The following ABCA2 variants were observed in gnomAD, a reference collection of about 807,000 sequenced individuals.
ABCA2 encodes ATP binding cassette subfamily A member 2, also known as ATP-binding cassette sub-family A member 2.
A neutral mutation model predicts 262.8 loss-of-function variants in ABCA2; 84 were observed. That is an observed-to-expected ratio of 0.32 (90% CI 0.27 to 0.38). The LOEUF is 0.38. Ranked by LOEUF, ABCA2 falls within the 10% of genes least tolerant of loss-of-function variation. The pLI, the probability that ABCA2 is intolerant of heterozygous loss-of-function variation, is 1.00. For missense variants in ABCA2, 2,662 were observed against 3,405.9 expected, an observed-to-expected ratio of 0.78 and a Z score of 5.44; for synonymous variants, 1,696 against 1,502.9, an observed-to-expected ratio of 1.13 and a Z score of -2.97.
Position 137,011,158 on chromosome 9 carries a change from G to T in ABCA2, c.5923+28C>A. 1.2e-6 allele frequency: 2 copies of T among 1,611,920 alleles called. No homozygotes were observed. The highest frequency in any genetic ancestry group is 1.7e-6 in the Non-Finnish European group (2 of 1,179,634). On this transcript the variant is annotated intron_variant, in intron 38 of 48. Coordinates refer to ENST00000341511, the MANE Select transcript of ABCA2 (RefSeq NM_001606.5). The surrounding 1 kb of genome is among the most constrained non-coding windows in gnomAD (Gnocchi z 8.8). ...CTCTGGGCCTTGCGGGGCCCCCACC[G>T]CCTTCCCCGCCCCACGGGCCCCCTC...
At chr9:137,020,110 C>T (rs1425111986) in intron 10 of ABCA2, 3 of 602,672 alleles carry the variant, frequency 5.0e-6, no homozygotes, top group Non-Finnish European at 8.7e-6. Flanking sequence ...CCGGAGGACC[C>T]TGCCAGAGCA....
intron 9 of ABCA2, 36 bp from the exon 10 acceptor site, chr9:137,020,531 AG>A: frequency 1.3e-6 from 2 of 1,557,824 alleles, no homozygotes; most frequent in Middle Eastern, 1.9e-4. Context: ...CCAGGCCGTT[AG>A]GGGGCAGGGC....
At chr9:137,026,062 G>A (rs1165915260) in intron 1 of ABCA2, among the ~76,000 whole-genome samples, 1 of 152,162 alleles carries the variant, frequency 6.6e-6, no homozygotes, top group Non-Finnish European at 1.5e-5. Flanking sequence ...GAGAACAGGT[G>A]AGACCCGAGG....
Position 137,013,302 on chromosome 9 carries a change from C to G in ABCA2, c.4567G>C (p.Asp1523His). Residue 1523 changes from aspartate to histidine, a missense_variant, in exon 30 of 49, where the codon GAC (aspartate) becomes CAC (histidine). Around this residue, in one of 12 missense-constraint regions of ABCA2, gnomAD observed 192 missense variants for 207.2 expected, o/e 0.93. Transcript: ENST00000341511. The stretch of plus-strand genomic sequence containing the variant: ...CTCACGAGCTGCTGGGGGCTGGCGT[C>G]GGGCGATAGCCGCAGCCTGCGGGCA... The part of the protein sequence containing the change: ...RREYRLRLSP[D>H]ASPQQLVSTF... 6.4e-7 allele frequency: 1 copy of G among 1,557,716 alleles called. No homozygotes were observed. Among genetic ancestry groups the G allele is most frequent in the Non-Finnish European group, 8.6e-7 (1 of 1,158,014 alleles).
At position 137,011,663 on chromosome 9, in the gene ABCA2, A is replaced by C; in HGVS notation, c.5622T>G (p.Pro1874=). The change falls in exon 36 of 49, where the codon CCT becomes CCG. Residue 1874 remains proline (P), a synonymous_variant. Transcript: ENST00000341511. This position sits in a 1 kb window ranked among gnomAD's most constrained non-coding sequence, Gnocchi z 8.8. ...LPAYTSPTNF[P]AVLSLFLLYG... ...AGAGCAGGAAGAGGGAGAGGACGGC[A>C]GGGAAGTTGGTGGGCGACGTGTAGG... The C allele has an allele frequency of 6.4e-7, 1 of 1,554,628 alleles. No homozygotes were observed. Among genetic ancestry groups the C allele is most frequent in the Non-Finnish European group, 8.7e-7 (1 of 1,149,624 alleles).
In ABCA2 at chr9:137,012,607, G is replaced by A; in HGVS notation, c.5082-17C>T. ...GCCCCATACCTGGGCAGGCAGGTGG[G>A]AGGGGCGGTGAGGCTAGGCAGGCAG... On this transcript the variant is annotated splice_polypyrimidine_tract_variant and intron_variant, in intron 31 of 48. Transcript: ENST00000341511. The A allele has an allele frequency of 6.2e-7, 1 of 1,610,826 alleles. No homozygotes were observed. Among genetic ancestry groups the A allele is most frequent in the Non-Finnish European group, 8.5e-7 (1 of 1,179,362 alleles).
rs377043863 is a variant in ABCA2 at position 137,008,570 on chromosome 9, G to A, written c.7121C>T (p.Thr2374Met). ...KQSDNLEQQE[T>M]EPPSALQSPL... ...GGACTGCAGTGCGGATGGCGGCTCC[G>A]TCTCCTGCTGCTCCAGGTTGTCACT... The change falls in exon 48 of 49, where the codon ACG becomes ATG. Residue 2374 changes from threonine (T) to methionine (M), a missense_variant. Coordinates refer to ENST00000341511, the MANE Select transcript of ABCA2 (RefSeq NM_001606.5). 25 of 1,608,970 alleles carry A rather than the reference G, an allele frequency of 1.6e-5. No homozygotes were observed. The highest frequency in any genetic ancestry group is 2.2e-5 in the East Asian group (1 of 44,748).
Position 137,013,160 on chromosome 9 carries a change from C to G in ABCA2, c.4709G>C (p.Arg1570Pro), listed in dbSNP as rs570738718. Residue 1570 changes from arginine to proline, a missense_variant, in exon 30 of 49, where the codon CGG (arginine) becomes CCG (proline). By Grantham distance (103) the Arg-to-Pro change is moderately radical. This residue lies in a region of ABCA2 where 192 missense variants were observed against 207.2 expected (regional missense o/e 0.93). Coordinates refer to ENST00000341511, the MANE Select transcript of ABCA2 (RefSeq NM_001606.5). The stretch of plus-strand genomic sequence containing the variant: ...CTCCAGACACATGCTGTCGAAGAAC[C>G]GAGCCGCCAGCAGGCGCGACTCCCC... ...SSGESRLLAARFFDSMCLESF... is the reference protein window; with the variant it reads ...SSGESRLLAAPFFDSMCLESF... 1.3e-6 allele frequency: 2 copies of G among 1,599,902 alleles called. No homozygotes were observed. Among genetic ancestry groups the G allele is most frequent in the Non-Finnish European group, 1.7e-6 (2 of 1,175,328 alleles).
At chr9:137,010,886 TG>T in intron 39 of ABCA2, 86 bp downstream of exon 39, 21 of 259,778 alleles carry the variant, frequency 8.1e-5, no homozygotes, top group East Asian at 3.0e-4. Flanking sequence ...GCCCCATCCC[TG>T]CCCCCACCCC....
rs772413836 is a variant in ABCA2, at chr9:137,009,473, T to G, written c.6735-11A>C. On this transcript the variant is annotated splice_polypyrimidine_tract_variant and intron_variant, in intron 44 of 48. Transcript: ENST00000341511. ...TCGCACTCCTCCATGCTGTGGGACA[T>G]GCACAGGCTGGCACCGGAAGGGGTG... The G allele has an allele frequency of 1.1e-5, 18 of 1,610,770 alleles. No individual in the cohort carries two copies. The Middle Eastern group carries it at 5.0e-4, about 45-fold the overall frequency.
rs772521377 is a variant in ABCA2 at position 137,008,398 on chromosome 9, T to C, written c.7275+18A>G. 6 of 1,548,810 alleles carry C rather than the reference T, an allele frequency of 3.9e-6. No homozygotes were observed. The South Asian group carries it at 7.1e-5, about 18-fold the overall frequency. ...CAGTGGGCAGAGCCCTGGACAGCCA[T>C]GAGAGCAGCCTGCTCACCCGCTCCT... is the stretch of plus-strand genomic sequence containing the variant. On this transcript the variant is annotated intron_variant, in intron 48 of 48. Transcript: ENST00000341511.
In ABCA2 at chr9:137,016,644, C is replaced by A. The variant is rs376638211; in HGVS notation, c.2853G>T (p.Pro951=). Residue 951 remains proline, a synonymous_variant, in exon 20 of 49, where the codon CCG becomes CCT. Transcript: ENST00000341511. The part of the protein sequence containing the change: ...GRTEAWEWSW[P]WARTPRLSVM... ...CACTGAGGCGGGGGGTGCGTGCCCA[C>A]GGCCAGCTCCACTCCCAGGCTTCTG... is the stretch of plus-strand genomic sequence containing the variant. The A allele has an allele frequency of 6.2e-6, 10 of 1,608,784 alleles. No individual in the cohort carries two copies. Among genetic ancestry groups the A allele is most frequent in the Non-Finnish European group, 8.5e-6 (10 of 1,178,222 alleles).
At position 137,009,350 on chromosome 9, in the gene ABCA2, C is replaced by CCAG; in HGVS notation, c.6827+19_6827+20insCTG. 1 of 1,565,812 alleles carries CCAG rather than the reference C, an allele frequency of 6.4e-7. No homozygotes were observed. Among genetic ancestry groups the CCAG allele is most frequent in the South Asian group, 1.2e-5 (1 of 86,478 alleles). ...CCCCCGGGCCCGCCCCAGCCCACCC[C>CCAG]TGGCCCTGCCCCGGCTCACCGGTTC... On this transcript the variant is annotated intron_variant, in intron 45 of 48. Transcript: ENST00000341511.
At chr9:137,010,582 A>C in intron 40 of ABCA2, 38 bp downstream of exon 40, 57 of 1,058,592 alleles carry the variant, frequency 5.4e-5, no homozygotes, top group Non-Finnish European at 6.5e-5. Context: ...GCCCTGGCCT[A>C]CCCCACCCAG....
chr9:137,008,502 G>A lies in ABCA2; in HGVS notation c.7189C>T (p.Pro2397Ser). 6.3e-7 allele frequency: 1 copy of A among 1,581,608 alleles called. No homozygotes were observed. The highest frequency in any genetic ancestry group is 1.2e-5 in the South Asian group (1 of 86,924). The change falls in exon 48 of 49, where the codon CCC becomes TCC. Residue 2397 changes from proline (P) to serine (S), a missense_variant. This residue lies in a region of ABCA2 where 212 missense variants were observed against 214.4 expected (regional missense o/e 0.99). Coordinates refer to ENST00000341511, the MANE Select transcript of ABCA2 (RefSeq NM_001606.5). ...GCCACAAGTGCCCGGAGCTCCGTGG[G>A]GGCAGACCGGGGCCGGAGCAGGCTG... is the stretch of plus-strand genomic sequence containing the variant. ...LLSLLRPRSAPTELRALVADE... is the reference protein window; with the variant it reads ...LLSLLRPRSASTELRALVADE...
chr9:137,008,956 G>A lies in ABCA2; in HGVS notation c.6925C>T (p.Leu2309Phe), dbSNP rs751226065. The A allele has an allele frequency of 6.3e-7, 1 of 1,594,792 alleles. No homozygotes were observed. The highest frequency in any genetic ancestry group is 1.1e-5 in the South Asian group (1 of 90,776). Residue 2309 changes from leucine to phenylalanine, a missense_variant, in exon 46 of 49, where the codon CTC becomes TTC. Leu to Phe is a conservative substitution (Grantham distance 22). Coordinates refer to ENST00000341511, the MANE Select transcript of ABCA2 (RefSeq NM_001606.5). ...CCCTGCCCGGGACGGCGCACCTTGA[G>A]CATGGCTTCCGGGAAGTTGCGGTTG... ...FFNRNFPEAMLKERHHTKVQY... is the reference protein window; with the variant it reads ...FFNRNFPEAMFKERHHTKVQY...
Position 137,018,087 on chromosome 9 carries a change from G to A in ABCA2, c.1994-12C>T, listed in dbSNP as rs1421306534. On this transcript the variant is annotated splice_polypyrimidine_tract_variant and intron_variant, in intron 14 of 48. Transcript: ENST00000341511. The stretch of plus-strand genomic sequence containing the variant: ...GCGCTCCATCATGTCTGTGGGTGGG[G>A]GCAGCCATCAGGTGCCGGGCAGGCC... The A allele has an allele frequency of 1.2e-6, 2 of 1,611,936 alleles. No homozygotes were observed. Among genetic ancestry groups the A allele is most frequent in the South Asian group, 1.1e-5 (1 of 91,004 alleles).
chr9:137,015,136 G>A (rs2131445165), intron 24 of ABCA2, 39 bp from the exon 25 acceptor site: 1 of 1,537,616 alleles, frequency 6.5e-7, no homozygotes, highest in Non-Finnish European at 8.7e-7. Flanking sequence ...TTCACTCAGG[G>A]GCTGGGAGGA....
chr9:137,021,096 G>A lies in ABCA2; in HGVS notation c.898-35C>T. On this transcript the variant is annotated intron_variant, in intron 8 of 48. Transcript: ENST00000341511. This position sits in a 1 kb window ranked among gnomAD's most constrained non-coding sequence, Gnocchi z 6.0. The stretch of plus-strand genomic sequence containing the variant: ...AACAGGCACGTGGGCAGTGCGGGGT[G>A]AGATGGACTGCAGGTGGGTGATAGG... 1 of 1,454,274 alleles carries A rather than the reference G, an allele frequency of 6.9e-7. No homozygotes were observed. Among genetic ancestry groups the A allele is most frequent in the Non-Finnish European group, 9.1e-7 (1 of 1,104,708 alleles). 90.1% of individuals were successfully genotyped at this position (1,454,274 alleles called of 1,614,324 possible). A position where few individuals can be genotyped will look rare whatever the true frequency, so the allele number is the denominator to read the frequency against.
Sources: gnomAD v4.1 joint callset for allele counts (sites outside exome capture counted in the v4.1 genomes callset) on GRCh38, gnomAD v4.1.1 for gene constraint, gnomAD v4.1.1 regional missense constraint, Gnocchi (gnomAD v3.1) non-coding constraint, MANE v1.5 for transcripts, NCBI Gene and HGNC (gene_info 2026-07-23, HGNC 2026-07-21) for gene names.